The following SLIT3 variants were observed in gnomAD, a reference collection of about 807,000 sequenced individuals.
SLIT3 encodes the protein slit homolog 3 protein.
A neutral mutation model predicts 184.0 loss-of-function variants in SLIT3; 68 were observed. That is an observed-to-expected ratio of 0.37 (90% CI 0.30 to 0.45). The LOEUF is 0.45. Ranked by LOEUF, SLIT3 falls within the 20% of genes least tolerant of loss-of-function variation. The pLI is 1.00. For synonymous variants in SLIT3, 831 were observed against 828.6 expected, an observed-to-expected ratio of 1.00 and a Z score of -0.05; for missense variants, 1,707 against 2,026.0, an observed-to-expected ratio of 0.84 and a Z score of 3.02.
At chr5:169,114,344 A>G (rs1298182711) in intron 4 of SLIT3, among the ~76,000 whole-genome samples, 1 of 152,230 alleles carries the variant, frequency 6.6e-6, no homozygotes, top group Non-Finnish European at 1.5e-5. Context: ...TCTGTTTTAC[A>G]GATGATGAAG....
intron 5 of SLIT3, among the ~76,000 whole-genome samples, chr5:168,867,260 A>G (rs1193981173): frequency 6.6e-6 from 1 of 152,204 alleles, no homozygotes; most frequent in Non-Finnish European, 1.5e-5. Context: ...AAACAATTAG[A>G]GAAAAATTCT....
chr5:168,744,157 C>T (rs576909775), intron 20 of SLIT3, among the ~76,000 whole-genome samples: 23 of 152,168 alleles, frequency 1.5e-4, no homozygotes, highest in Non-Finnish European at 2.9e-4. Context: ...GGCGTGGTGG[C>T]GGGCTCCTGT....
At chr5:169,287,412 C>T (rs1456630855) in intron 1 of SLIT3, among the ~76,000 whole-genome samples, 1 of 152,166 alleles carries the variant, frequency 6.6e-6, no homozygotes, top group Admixed American at 6.5e-5. Flanking sequence ...CCTCTTCTGT[C>T]TCCCTAGCTT....
intron 13 of SLIT3, 70 bp downstream of exon 13, chr5:168,774,165 T>C (rs1248740070): frequency 6.8e-7 from 1 of 1,480,024 alleles, no homozygotes; most frequent in Non-Finnish European, 9.2e-7. Context: ...CATTTGGGTG[T>C]TTTTCATGAT....
intron 4 of SLIT3, among the ~76,000 whole-genome samples, chr5:169,156,667 G>A (rs1237333466): frequency 6.6e-6 from 1 of 152,238 alleles, no homozygotes; most frequent in African/African-American, 2.4e-5. Context: ...AAACGATGGT[G>A]CAAACCACCA....
intron 22 of SLIT3, among the ~76,000 whole-genome samples, chr5:168,722,597 A>G (rs992221862): frequency 5.3e-5 from 8 of 152,176 alleles, no homozygotes; most frequent in African/African-American, 1.9e-4. Context: ...AGTACTCACA[A>G]TGTGTAAAGC....
chr5:169,100,586 T>C (rs1475434442), intron 4 of SLIT3, among the ~76,000 whole-genome samples: 1 of 152,134 alleles, frequency 6.6e-6, no homozygotes, highest in Non-Finnish European at 1.5e-5. Flanking sequence ...GCTAAGTCAT[T>C]CCTTCAGATC....
rs35085723 is a variant in SLIT3 at position 168,970,499 on chromosome 5, T to TAAA, written c.414-87166_414-87164dup. Among the ~76,000 whole-genome samples the TAAA allele has an allele frequency of 2.9e-3, 370 of 127,432 alleles. 1 individual carries two copies. Among genetic ancestry groups the TAAA allele is most frequent in the African/African-American group, 9.2e-3 (351 of 38,012 alleles). 83.6% of individuals were successfully genotyped at this position (127,432 alleles called of 152,430 possible). ...GACAAAAGTGAAACTCTGTCTCAAATAAAAAAAAAAAAAAAACAAAGACAA... is the reference window on the plus strand; with the variant it reads ...GACAAAAGTGAAACTCTGTCTCAAATAAAAAAAAAAAAAAAAAAACAAAGACAA... On this transcript the variant is annotated intron_variant, in intron 4 of 35. Transcript: ENST00000519560.
At chr5:169,119,336 C>T (rs1198210702) in intron 4 of SLIT3, among the ~76,000 whole-genome samples, 4 of 152,200 alleles carry the variant, frequency 2.6e-5, no homozygotes, top group Non-Finnish European at 5.9e-5. Context: ...AGTTTCTGAT[C>T]TTCATGATGG....
intron 6 of SLIT3, among the ~76,000 whole-genome samples, chr5:168,826,252 C>T (rs1162165126): frequency 1.3e-5 from 2 of 152,198 alleles, no homozygotes; most frequent in African/African-American, 4.8e-5. Flanking sequence ...ACCAAAATGA[C>T]TAAACACAGT....
At chr5:168,983,265 A>G (rs1319520924) in intron 4 of SLIT3, among the ~76,000 whole-genome samples, 1 of 152,200 alleles carries the variant, frequency 6.6e-6, no homozygotes, top group Non-Finnish European at 1.5e-5. Flanking sequence ...CTTTGTAGAG[A>G]TCTCACAAGC....
Position 168,673,299 on chromosome 5 carries a change from C to G in SLIT3, c.3719G>C (p.Ser1240Thr). 6.2e-7 allele frequency: 1 copy of G among 1,614,198 alleles called. No homozygotes were observed. The highest frequency in any genetic ancestry group is 8.5e-7 in the Non-Finnish European group (1 of 1,180,032). ...CTGGTTTAGCGTCACCAGCTCCACA[C>G]TGTGAAACTGCCCATCATTCACTGT... The part of the protein sequence containing the change: ...VETVNDGQFH[S>T]VELVTLNQTL... Residue 1240 changes from serine to threonine, a missense_variant, in exon 33 of 36, where the codon AGT (serine) becomes ACT (threonine). This residue lies in a region of SLIT3 where 387 missense variants were observed against 477.9 expected (regional missense o/e 0.81). Transcript: ENST00000519560.
chr5:168,907,997 G>GAT (rs1761134045), intron 4 of SLIT3, among the ~76,000 whole-genome samples: 1 of 142,470 alleles, frequency 7.0e-6, no homozygotes, highest in African/African-American at 2.6e-5. Context: ...GAGAGAGAGA[G>GAT]AGAGAGAGAG....
intron 5 of SLIT3, among the ~76,000 whole-genome samples, chr5:168,860,549 G>GGA (rs1264324509): frequency 6.6e-6 from 1 of 151,984 alleles, no homozygotes; most frequent in Admixed American, 6.6e-5. Flanking sequence ...TCTTGGCAGG[G>GGA]GAGAGAGACT....
At chr5:169,148,101 T>A (rs1363655506) in intron 4 of SLIT3, among the ~76,000 whole-genome samples, 1 of 152,154 alleles carries the variant, frequency 6.6e-6, no homozygotes. Flanking sequence ...GGTTCCAATC[T>A]CAGGTCCTCC....
chr5:168,786,089 A>C, intron 11 of SLIT3, 111 bp from the exon 12 acceptor site: 1 of 717,930 alleles, frequency 1.4e-6, no homozygotes, highest in East Asian at 2.6e-5. Flanking sequence ...TCTCAGGACA[A>C]CCCCTTCCAC....
intron 4 of SLIT3, among the ~76,000 whole-genome samples, chr5:169,178,496 A>G (rs1763049638): frequency 6.6e-6 from 1 of 152,184 alleles, no homozygotes; most frequent in South Asian, 2.1e-4. Flanking sequence ...CAGAATGGAG[A>G]GTCACACGTG....
chr5:169,182,384 C>T (rs1223645595), intron 4 of SLIT3, among the ~76,000 whole-genome samples: 1 of 152,340 alleles, frequency 6.6e-6, no homozygotes, highest in Non-Finnish European at 1.5e-5. Context: ...ACTTTCATTA[C>T]AGACCTCAAC....
chr5:169,000,796 G>A (rs1250655266), intron 4 of SLIT3, among the ~76,000 whole-genome samples: 1 of 152,158 alleles, frequency 6.6e-6, no homozygotes, highest in Non-Finnish European at 1.5e-5. Flanking sequence ...AAATACTGAT[G>A]GGCTGGCTAT....
Sources: allele counts gnomAD v4.1 joint callset (sites outside exome capture counted in the v4.1 genomes callset), GRCh38; gene constraint gnomAD v4.1.1; regional missense constraint gnomAD v4.1.1; transcripts MANE v1.5; gene names NCBI Gene and HGNC (gene_info 2026-07-23, HGNC 2026-07-21).